N4BP2: variants seen among roughly 807,000 people sequenced by gnomAD.
The protein encoded by N4BP2 is NEDD4-binding protein 2.
N4BP2 carries 91 observed loss-of-function variants against 152.8 expected under a neutral mutation model. The observed-to-expected ratio is 0.60, with a 90% CI of 0.50 to 0.71. The LOEUF is 0.71. Among genes scored for constraint, N4BP2 ranks in the 30% least tolerant of loss-of-function variants. N4BP2 has a pLI of 0.00. For synonymous variants in N4BP2, 646 were observed against 705.3 expected (o/e 0.92, Z 1.33); for missense variants, 1,923 against 2,059.1 (o/e 0.93, Z 1.28).
At chr4:40,129,329 C>T (rs533325165) in intron 12 of N4BP2, among the ~76,000 whole-genome samples, 21 of 152,080 alleles carry the variant, frequency 1.4e-4, no homozygotes, top group East Asian at 3.9e-4. Context: ...CAGGTTCAAG[C>T]GATTCTCCTG....
At chr4:40,139,499 T>C (rs963972785) in intron 14 of N4BP2, among the ~76,000 whole-genome samples, 3 of 150,130 alleles carry the variant, frequency 2.0e-5, no homozygotes, top group African/African-American at 7.3e-5. Context: ...GGCTTTTTTT[T>C]TTTTTTTTTT....
At chr4:40,153,815 A>T (rs1721368047) in intron 17 of N4BP2, among the ~76,000 whole-genome samples, 1 of 152,186 alleles carries the variant, frequency 6.6e-6, no homozygotes, top group Admixed American at 6.5e-5. Flanking sequence ...AGTTGAAAGC[A>T]TTGCATGGCC....
At chr4:40,099,847 A>T (rs1040058118) in intron 3 of N4BP2, among the ~76,000 whole-genome samples, 1 of 151,484 alleles carries the variant, frequency 6.6e-6, no homozygotes, top group African/African-American at 2.4e-5. Context: ...TTTTACTGTC[A>T]TGTAGATTTT....
At chr4:40,176,603 TG>T in the N4BP2 span, among the ~76,000 whole-genome samples, 1 of 152,246 alleles carries the variant, frequency 6.6e-6, no homozygotes, top group African/African-American at 2.4e-5. Context: ...CTGTGGCGAC[TG>T]GGAGAAAACA....
chr4:40,184,962 T>A, the N4BP2 span, among the ~76,000 whole-genome samples: 19 of 148,848 alleles, frequency 1.3e-4, no homozygotes, highest in South Asian at 3.4e-3. Flanking sequence ...TCTCAAAAAA[T>A]AAATAAATAA....
the N4BP2 span, among the ~76,000 whole-genome samples, chr4:40,168,269 A>G: frequency 5.1e-4 from 77 of 152,230 alleles, no homozygotes; most frequent in Non-Finnish European, 9.6e-4. Context: ...CAATTTTCCT[A>G]TCAACAGACA....
At chr4:40,085,056 G>A (rs545382002) in intron 2 of N4BP2, among the ~76,000 whole-genome samples, 1 of 151,996 alleles carries the variant, frequency 6.6e-6, no homozygotes, top group Admixed American at 6.6e-5. Context: ...GGGATTACAG[G>A]TGCCCACTAC....
At chr4:40,140,967 GAA>G (rs1187406666) in intron 14 of N4BP2, among the ~76,000 whole-genome samples, 1 of 150,804 alleles carries the variant, frequency 6.6e-6, no homozygotes, top group African/African-American at 2.4e-5. Flanking sequence ...AGAACAAAAT[GAA>G]AAGTCTCCCA....
At position 40,102,814 on chromosome 4, in the gene N4BP2, G is replaced by T. The variant is rs1400551192; in HGVS notation, c.969G>T (p.Gly323=). ...CTGATGTGTTTCTACCTTCCGAAGGGTTCAACTTCAAGCCACACAAACATC... is the reference window on the plus strand; with the variant it reads ...CTGATGTGTTTCTACCTTCCGAAGGTTTCAACTTCAAGCCACACAAACATC... ...RVSDVFLPSE[G]FNFKPHKHPE... is the part of the protein sequence containing the mutation. The change falls in exon 4 of 18, where the codon GGG becomes GGT. Residue 323 remains glycine, a synonymous_variant. Coordinates refer to ENST00000261435, the MANE Select transcript of N4BP2 (RefSeq NM_018177.6). 6.2e-7 allele frequency: 1 copy of T among 1,614,084 alleles called. No homozygotes were observed. Among genetic ancestry groups the T allele is most frequent in the Admixed American group, 1.7e-5 (1 of 59,984 alleles).
At chr4:40,077,361 T>C (rs962300435) in intron 2 of N4BP2, among the ~76,000 whole-genome samples, 9 of 152,002 alleles carry the variant, frequency 5.9e-5, no homozygotes, top group Admixed American at 5.3e-4. Flanking sequence ...TTGCCCAGGT[T>C]GATCTTGAAC....
chr4:40,076,875 C>A (rs1431268559), intron 2 of N4BP2, among the ~76,000 whole-genome samples: 2 of 152,130 alleles, frequency 1.3e-5, no homozygotes, highest in Non-Finnish European at 2.9e-5. Context: ...ATTTTGAAAT[C>A]ATCTTGTAGG....
intron 5 of N4BP2, among the ~76,000 whole-genome samples, chr4:40,110,536 A>G (rs1285781232): frequency 1.3e-5 from 2 of 152,006 alleles, no homozygotes; most frequent in South Asian, 2.1e-4. Context: ...GGCCATTTGT[A>G]TATCTTCTCT....
At chr4:40,083,257 G>A (rs1337913542) in intron 2 of N4BP2, among the ~76,000 whole-genome samples, 2 of 152,186 alleles carry the variant, frequency 1.3e-5, no homozygotes, top group Non-Finnish European at 2.9e-5. Flanking sequence ...TGGTGCAGCT[G>A]CTTTGGAAAA....
the N4BP2 span, among the ~76,000 whole-genome samples, chr4:40,175,761 G>A: frequency 7.4e-6 from 1 of 134,970 alleles, no homozygotes; most frequent in African/African-American, 2.9e-5. Context: ...AGTGAGCCGA[G>A]ATTGCGCCCC....
At chr4:40,165,256 A>G in the N4BP2 span, among the ~76,000 whole-genome samples, 1 of 151,804 alleles carries the variant, frequency 6.6e-6, no homozygotes, top group Non-Finnish European at 1.5e-5. Flanking sequence ...GATAAAAATC[A>G]ATCTGTACTT....
chr4:40,142,063 C>CAGAGGGAGACCGTGGAAAGAGAGGG (rs1720043368), intron 14 of N4BP2: 2 of 150,074 alleles, frequency 1.3e-5, no homozygotes, highest in African/African-American at 2.6e-5. Context: ...GGCTCGGTAT[C>CAGAGGGAGACCGTGGAAAGAGAGGG]AGAGGGAGAC....
Position 40,112,091 on chromosome 4 carries a change from A to G in N4BP2, c.1506A>G (p.Glu502=). ...TTATGTTATGTTTTTCAGCAAAAGA[A>G]GCATTTGAGAAGAAGATATCTCCTA... ...AHEWNQNRAK[E]AFEKKISPII... The change falls in exon 6 of 18, where the codon GAA becomes GAG. Residue 502 remains glutamate (E), a synonymous_variant. Transcript: ENST00000261435. 5 of 1,495,110 alleles carry G rather than the reference A, an allele frequency of 3.3e-6. No homozygotes were observed. The highest frequency in any genetic ancestry group is 3.7e-6 in the Non-Finnish European group (4 of 1,092,398). 92.6% of individuals were successfully genotyped at this position (1,495,110 alleles called of 1,614,324 possible). A position where few individuals can be genotyped will look rare whatever the true frequency, so the allele number is the denominator to read the frequency against.
At position 40,142,683 on chromosome 4, in the gene N4BP2, TAAAAG is replaced by T; in HGVS notation, c.4798_4802del (p.Lys1600AspfsTer2). ...TTTAATATCTTATAGCCAAAGAAAT[TAAAAG>T]AGACTGAAGAAACACCAAGTGAACT... is the stretch of plus-strand genomic sequence containing the variant. On this transcript the variant is annotated frameshift_variant, in exon 15 of 18. Transcript: ENST00000261435. LOFTEE classifies it high-confidence loss of function. 1 of 1,605,374 alleles carries T rather than the reference TAAAAG, an allele frequency of 6.2e-7. No homozygotes were observed. Among genetic ancestry groups the T allele is most frequent in the Non-Finnish European group, 8.5e-7 (1 of 1,177,366 alleles).
chr4:40,127,561 T>G (rs1042152249), intron 12 of N4BP2, among the ~76,000 whole-genome samples: 1 of 152,080 alleles, frequency 6.6e-6, no homozygotes, highest in African/African-American at 2.4e-5. Flanking sequence ...TTTTTTTATT[T>G]CTATAAAAAC....
Sources: allele counts gnomAD v4.1 joint callset (sites outside exome capture counted in the v4.1 genomes callset), GRCh38; gene constraint gnomAD v4.1.1; transcripts MANE v1.5; gene names NCBI Gene and HGNC (gene_info 2026-07-23, HGNC 2026-07-21).